DNAH12: variants seen among roughly 807,000 people sequenced by gnomAD.
DNAH12 encodes the protein axonemal beta dynein heavy chain 12.
DNAH12 carries 285 observed loss-of-function variants against 371.5 expected under a neutral mutation model. That is an observed-to-expected ratio of 0.77 (90% CI 0.70 to 0.85). The LOEUF (loss-of-function observed/expected upper bound fraction) is 0.85, where lower values mean the gene tolerates loss of function less well. Among genes scored for constraint, DNAH12 ranks in the 40% least tolerant of loss-of-function variants. The pLI is 0.00. For missense variants in DNAH12, 3,611 were observed against 3,689.4 expected (o/e 0.98, Z 0.55); for synonymous variants, 1,200 against 1,213.0 (o/e 0.99, Z 0.22).
chr3:57,451,902 G>A (rs1242868956), intron 25 of DNAH12, among the ~76,000 whole-genome samples: 1 of 152,182 alleles, frequency 6.6e-6, no homozygotes, highest in African/African-American at 2.4e-5. Flanking sequence ...GGTGAGTGGG[G>A]AGAAGTAATG....
In DNAH12 at chr3:57,542,847, G is replaced by A; in HGVS notation, c.24C>T (p.Ala8=). The A allele has an allele frequency of 6.3e-7, 1 of 1,595,680 alleles. No homozygotes were observed. Among genetic ancestry groups the A allele is most frequent in the South Asian group, 1.1e-5 (1 of 87,252 alleles). The part of the protein sequence containing the change: MSDANKA[A]IAAEKEALNL... Reference sequence around the variant, plus strand: ...TCAGAGCTTCCTTTTCTGCTGCAATGGCAGCTTTGTTTGCATCTGACATCT... The same window carrying A: ...TCAGAGCTTCCTTTTCTGCTGCAATAGCAGCTTTGTTTGCATCTGACATCT... Residue 8 remains alanine (A), a synonymous_variant, in exon 2 of 74, where the codon GCC becomes GCT. Transcript: ENST00000495027.
At chr3:57,457,393 G>A (rs2065931413) in intron 22 of DNAH12, among the ~76,000 whole-genome samples, 1 of 152,012 alleles carries the variant, frequency 6.6e-6, no homozygotes, top group Non-Finnish European at 1.5e-5. Context: ...TCTCTCACTT[G>A]CTCTTTACCT....
At chr3:57,443,595 A>C (rs1337518024) in intron 29 of DNAH12, among the ~76,000 whole-genome samples, 5 of 152,116 alleles carry the variant, frequency 3.3e-5, no homozygotes, top group Non-Finnish European at 5.9e-5. Context: ...TTTAAGGTGC[A>C]ACATGATGAT....
At chr3:57,513,197 A>C (rs1205273140) in intron 4 of DNAH12, among the ~76,000 whole-genome samples, 12 of 152,202 alleles carry the variant, frequency 7.9e-5, no homozygotes, top group Admixed American at 7.9e-4. Context: ...ATAAAAAGGA[A>C]TGAGATCATG....
chr3:57,524,430 T>C (rs11706527), intron 2 of DNAH12, among the ~76,000 whole-genome samples: 92,642 of 151,922 alleles, frequency 0.61, 29,126 homozygotes, highest in South Asian at 0.68. Flanking sequence ...TTTTTTGCAT[T>C]CATAAGATAT....
chr3:57,487,363 G>GAGAA (rs1335965986), intron 12 of DNAH12, among the ~76,000 whole-genome samples: 5 of 55,058 alleles, frequency 9.1e-5, no homozygotes, highest in African/African-American at 3.3e-4. Flanking sequence ...GAGAAAGAAA[G>GAGAA]AGAAAGAAAG....
intron 32 of DNAH12, among the ~76,000 whole-genome samples, chr3:57,432,559 C>T (rs6445879): frequency 0.69 from 104,332 of 151,878 alleles, 36,021 homozygotes; most frequent in South Asian, 0.8. Flanking sequence ...TGGAAATAAT[C>T]TGTGATATAT....
intron 38 of DNAH12, among the ~76,000 whole-genome samples, chr3:57,415,208 A>AG (rs1198180946): frequency 1.3e-5 from 2 of 151,778 alleles, no homozygotes; most frequent in African/African-American, 4.8e-5. Flanking sequence ...CTCAGGCTTA[A>AG]AAAAAAAACA....
At chr3:57,488,937 AGTG>A (rs2067025804) in intron 12 of DNAH12, among the ~76,000 whole-genome samples, 2 of 150,008 alleles carry the variant, frequency 1.3e-5, no homozygotes, top group African/African-American at 2.5e-5. Context: ...AGAAATCCAA[AGTG>A]TGTGTGTGTG....
At chr3:57,304,008 T>C (rs986807435) in intron 69 of DNAH12, among the ~76,000 whole-genome samples, 1 of 152,104 alleles carries the variant, frequency 6.6e-6, no homozygotes, top group African/African-American at 2.4e-5. Flanking sequence ...GAAATTCCTT[T>C]TCCTGGCTCA....
At chr3:57,439,798 G>A (rs889523574) in intron 29 of DNAH12, among the ~76,000 whole-genome samples, 2 of 151,844 alleles carry the variant, frequency 1.3e-5, no homozygotes, top group Non-Finnish European at 2.9e-5. Flanking sequence ...TCCAGCAAAG[G>A]TCTAATATCC....
intron 39 of DNAH12, 103 bp downstream of exon 39, chr3:57,413,643 T>C (rs1266140742): frequency 2.4e-6 from 3 of 1,259,032 alleles, no homozygotes; most frequent in African/African-American, 3.0e-5. Context: ...TGAGCAACTA[T>C]TCTTTTCCCT....
intron 69 of DNAH12, among the ~76,000 whole-genome samples, chr3:57,303,712 T>A (rs1310914793): frequency 6.6e-6 from 1 of 152,156 alleles, no homozygotes; most frequent in Non-Finnish European, 1.5e-5. Context: ...CAGAACTTTT[T>A]AAAAGGGGAA....
At chr3:57,295,697 G>A (rs2061219466) in intron 72 of DNAH12, 105 bp from the exon 73 acceptor site, 1 of 899,572 alleles carries the variant, frequency 1.1e-6, no homozygotes, top group Non-Finnish European at 1.6e-6. Context: ...AGGACTAGAG[G>A]CATAGAGAAA....
intron 56 of DNAH12, among the ~76,000 whole-genome samples, chr3:57,367,826 T>C (rs2063084498): frequency 1.3e-5 from 2 of 152,268 alleles, no homozygotes; most frequent in South Asian, 4.2e-4. Context: ...TAGATAACAG[T>C]GGTTAAGGCA....
chr3:57,504,068 T>C lies in DNAH12; in HGVS notation c.1034A>G (p.Asp345Gly). The C allele has an allele frequency of 6.2e-7, 1 of 1,614,006 alleles. No homozygotes were observed. The highest frequency in any genetic ancestry group is 8.5e-7 in the Non-Finnish European group (1 of 1,179,920). The change falls in exon 9 of 74, where the codon GAT becomes GGT. Residue 345 changes from aspartate to glycine, a missense_variant. This residue lies in a region of DNAH12 where 1,314 missense variants were observed against 1,398.7 expected (regional missense o/e 0.94). Transcript: ENST00000495027. ...CAAACTCAAGACATTATCTTCCAAA[T>C]CTTGAAAGGTAGGATAAAATTCCAT... ...DKMEFYPTFQ[D>G]LEDNVLSLVE...
chr3:57,334,750 T>A, intron 61 of DNAH12, 32 bp downstream of exon 61: 1 of 1,530,072 alleles, frequency 6.5e-7, no homozygotes, highest in Non-Finnish European at 8.8e-7. Flanking sequence ...ATATTGCCAT[T>A]CAATGATAAA....
chr3:57,383,800 TGA>T (rs2063447451), intron 49 of DNAH12, among the ~76,000 whole-genome samples: 1 of 150,684 alleles, frequency 6.6e-6, no homozygotes, highest in Admixed American at 6.6e-5. Context: ...AAAAAAGTAC[TGA>T]GAGCATGAAG....
intron 2 of DNAH12, among the ~76,000 whole-genome samples, chr3:57,536,937 G>A (rs1387468830): frequency 6.6e-6 from 1 of 152,262 alleles, no homozygotes; most frequent in Non-Finnish European, 1.5e-5. Flanking sequence ...AACAGGCCGG[G>A]TACAGTGGCT....
Sources: allele counts gnomAD v4.1 joint callset (sites outside exome capture counted in the v4.1 genomes callset), GRCh38; gene constraint gnomAD v4.1.1; regional missense constraint gnomAD v4.1.1; transcripts MANE v1.5; gene names NCBI Gene and HGNC (gene_info 2026-07-23, HGNC 2026-07-21).